CMIP: variants seen among roughly 807,000 people sequenced by gnomAD.
CMIP encodes c-Maf inducing protein, also known as C-Maf-inducing protein.
A neutral mutation model predicts 97.3 loss-of-function variants in CMIP; 13 were observed. That is an observed-to-expected ratio of 0.13 (90% CI 0.09 to 0.21). The LOEUF is 0.21. Ranked by LOEUF, CMIP falls within the 10% of genes least tolerant of loss-of-function variation. The pLI is 1.00. For missense variants in CMIP, 847 were observed against 1,024.9 expected, an observed-to-expected ratio of 0.83 and a Z score of 2.37; for synonymous variants, 538 against 436.3, an observed-to-expected ratio of 1.23 and a Z score of -2.91.
intron 1 of CMIP, among the ~76,000 whole-genome samples, chr16:81,468,900 G>A (rs1255671233): frequency 1.3e-5 from 2 of 152,232 alleles, no homozygotes; most frequent in Non-Finnish European, 2.9e-5. Flanking sequence ...GGGGCTGGTG[G>A]AATTGTGGAG....
In CMIP at chr16:81,670,156, C is replaced by T. The variant is rs2092668323; in HGVS notation, c.840C>T (p.Cys280=). The T allele has an allele frequency of 1.2e-6, 2 of 1,608,334 alleles. No individual in the cohort carries two copies. Among genetic ancestry groups the T allele is most frequent in the Admixed American group, 1.7e-5 (1 of 59,300 alleles). ...TGTCTCCACAGGACTTTGGGAAGTG[C>T]CCGCGACTGAGGCTGTTTACTCAGG... ...ILKHNMDFGK[C]PRLRLFTQEY... The change falls in exon 8 of 21, where the codon TGC becomes TGT. Residue 280 remains cysteine, a synonymous_variant. Transcript: ENST00000537098.
intron 3 of CMIP, among the ~76,000 whole-genome samples, chr16:81,634,159 G>A (rs920279623): frequency 3.9e-5 from 6 of 152,194 alleles, no homozygotes; most frequent in Non-Finnish European, 8.8e-5. Context: ...CATACCCTCC[G>A]GGTGACTGTG....
At chr16:81,475,172 TTCTC>T (rs1444977035) in intron 1 of CMIP, among the ~76,000 whole-genome samples, 2 of 152,118 alleles carry the variant, frequency 1.3e-5, no homozygotes, top group Non-Finnish European at 2.9e-5. Flanking sequence ...TCCTGTCTCT[TTCTC>T]TCTCTGTCTC....
intron 1 of CMIP, among the ~76,000 whole-genome samples, chr16:81,498,400 C>T (rs1053110316): frequency 2.6e-5 from 4 of 152,206 alleles, no homozygotes; most frequent in African/African-American, 7.2e-5. Flanking sequence ...CCTTGTCCCC[C>T]GGCCTTTTTG....
intron 1 of CMIP, among the ~76,000 whole-genome samples, chr16:81,491,743 G>C (rs929860478): frequency 6.6e-6 from 1 of 152,144 alleles, no homozygotes; most frequent in Admixed American, 6.5e-5. Flanking sequence ...GTCTGAACTC[G>C]GGAGCTGGAT....
rs113112772 is a variant in CMIP at position 81,522,259 on chromosome 16, C to G, written c.300+76718C>G. Among the ~76,000 whole-genome samples the G allele has an allele frequency of 7.0e-4, 106 of 152,286 alleles. 2 individuals are homozygous for G. Among genetic ancestry groups the G allele is most frequent in the Non-Finnish European group, 1.3e-3 (88 of 68,022 alleles). On this transcript the variant is annotated intron_variant, in intron 1 of 20. Coordinates refer to ENST00000537098, the MANE Select transcript of CMIP (RefSeq NM_198390.3). ...CCTGGAGTGTGATTGGTGGGTTGGG[C>G]CCTGTCATCAGAGCCCTAAGCCAGG... is the stretch of plus-strand genomic sequence containing the variant.
rs79505712 is a variant in CMIP at position 81,678,641 on chromosome 16, C to G, written c.1388+13C>G. 9.4e-5 allele frequency: 124 copies of G among 1,318,230 alleles called. No homozygotes were observed. In the East Asian group the frequency reaches 1.1e-3, roughly 11 times the overall value. 81.7% of individuals were successfully genotyped at this position (1,318,230 alleles called of 1,614,324 possible). ...TCCTCAAGCTGCTGTGAGTGCCCCC[C>G]CCGCGTGCCCGCCCCCGGGGCCGGT... On this transcript the variant is annotated intron_variant, in intron 10 of 20. Coordinates refer to ENST00000537098, the MANE Select transcript of CMIP (RefSeq NM_198390.3).
intron 1 of CMIP, among the ~76,000 whole-genome samples, chr16:81,554,360 G>C (rs2090719526): frequency 6.6e-6 from 1 of 152,234 alleles, no homozygotes; most frequent in Admixed American, 6.5e-5. Flanking sequence ...AAGATTCAGA[G>C]AAATATCCTG....
chr16:81,678,787 G>A (rs1192115035), intron 10 of CMIP, among the ~76,000 whole-genome samples, 159 bp downstream of exon 10: 1 of 152,384 alleles, frequency 6.6e-6, no homozygotes, highest in East Asian at 1.9e-4. Context: ...GCAAGAGTGT[G>A]CATAAGCACA....
chr16:81,562,531 G>A (rs999808608), intron 1 of CMIP, among the ~76,000 whole-genome samples: 2 of 152,260 alleles, frequency 1.3e-5, no homozygotes, highest in African/African-American at 4.8e-5. Flanking sequence ...ATGATCCCTG[G>A]GCTGGGGCCC....
At chr16:81,534,378 G>C (rs752334194) in intron 1 of CMIP, among the ~76,000 whole-genome samples, 1 of 152,142 alleles carries the variant, frequency 6.6e-6, no homozygotes, top group Non-Finnish European at 1.5e-5. Context: ...ATTATGGCAT[G>C]TGTCTTTAAA....
chr16:81,448,023 G>C (rs139533321), intron 1 of CMIP, among the ~76,000 whole-genome samples: 3 of 152,368 alleles, frequency 2.0e-5, no homozygotes, highest in Non-Finnish European at 4.4e-5. Context: ...ACTCTATTGA[G>C]AAATATGAGC....
chr16:81,597,654 TGCA>T (rs2091583275), intron 1 of CMIP, among the ~76,000 whole-genome samples: 2 of 151,804 alleles, frequency 1.3e-5, no homozygotes, highest in Admixed American at 6.6e-5. Context: ...GCGGGACACC[TGCA>T]CCCAGGCCCT....
intron 1 of CMIP, among the ~76,000 whole-genome samples, chr16:81,507,726 A>C (rs1383095402): frequency 6.6e-6 from 1 of 152,194 alleles, no homozygotes; most frequent in African/African-American, 2.4e-5. Context: ...AAGGCTCATT[A>C]AGATTAACCA....
rs542827545 is a variant in CMIP at position 81,470,701 on chromosome 16, T to A, written c.300+25160T>A. Among the ~76,000 whole-genome samples the A allele has an allele frequency of 2.0e-5, 3 of 152,366 alleles. No individual in the cohort carries two copies. The South Asian group carries it at 6.2e-4, about 32-fold the overall frequency. The stretch of plus-strand genomic sequence containing the variant: ...TTGAGCTCTTGAGCTCAAGGGATCC[T>A]CCCACCTTGGTCTCCCATACTGCTG... On this transcript the variant is annotated intron_variant, in intron 1 of 20. Transcript: ENST00000537098.
intron 1 of CMIP, among the ~76,000 whole-genome samples, chr16:81,467,235 A>G (rs1320193949): frequency 6.6e-6 from 1 of 152,232 alleles, no homozygotes; most frequent in Non-Finnish European, 1.5e-5. Flanking sequence ...ACATCCCGCA[A>G]CCAGTCTGAG....
chr16:81,520,585 A>AGAGG (rs1453957255), intron 1 of CMIP: 1 of 150,940 alleles, frequency 6.6e-6, no homozygotes, highest in Non-Finnish European at 1.5e-5. Context: ...AGAGAGAGAG[A>AGAGG]GAGAGAGAGA....
chr16:81,569,148 C>T (rs754898965), intron 1 of CMIP, among the ~76,000 whole-genome samples: 20 of 152,318 alleles, frequency 1.3e-4, no homozygotes, highest in South Asian at 6.2e-4. Flanking sequence ...AAATTGGATG[C>T]TCTTGGGGTG....
chr16:81,623,999 C>T (rs578198426), intron 3 of CMIP, among the ~76,000 whole-genome samples: 1 of 152,272 alleles, frequency 6.6e-6, no homozygotes, highest in Non-Finnish European at 1.5e-5. Flanking sequence ...CACAGCCCTC[C>T]CAGGACATAA....
Sources: allele counts gnomAD v4.1 joint callset (sites outside exome capture counted in the v4.1 genomes callset), GRCh38; gene constraint gnomAD v4.1.1; transcripts MANE v1.5; gene names NCBI Gene and HGNC (gene_info 2026-07-23, HGNC 2026-07-21).